CRPPA: variants seen among roughly 807,000 people sequenced by gnomAD.
The protein encoded by CRPPA is CDP-L-ribitol pyrophosphorylase A, also known as D-ribitol-5-phosphate cytidylyltransferase.
CRPPA carries 43 observed loss-of-function variants against 52.0 expected under a neutral mutation model. The observed-to-expected ratio is 0.83, with a 90% CI of 0.65 to 1.07. The LOEUF (loss-of-function observed/expected upper bound fraction) is 1.07, where lower values mean the gene tolerates loss of function less well. CRPPA is among the 50% of genes least tolerant of loss of function. The probability of loss-of-function intolerance (pLI) is 0.00; values close to 1 mark genes in which losing one functional copy is unlikely to be tolerated. For missense variants in CRPPA, 629 were observed against 551.7 expected (o/e 1.14, Z -1.40); for synonymous variants, 250 against 203.5 (o/e 1.23, Z -1.94).
chr7:16,309,885 C>G lies in CRPPA; in HGVS notation c.685-1258G>C, dbSNP rs543489798. Among the ~76,000 whole-genome samples, 12 of 152,166 alleles carry G rather than the reference C, an allele frequency of 7.9e-5. No individual in the cohort carries two copies. The East Asian group carries it at 1.4e-3, about 17-fold the overall frequency. ...GTGATCTCCTATTGGGTGCCCATAA[C>G]TAATATTATTTGAAGGAGATTCTCA... On this transcript the variant is annotated intron_variant, in intron 3 of 9. Transcript: ENST00000407010.
At position 16,286,045 on chromosome 7, in the gene CRPPA, AT is replaced by A. The variant is rs1784430081; in HGVS notation, c.836-7820del. ...CAAAAAAAAAAAAAAAAAAATATAA[AT>A]ATATATATATATATATATATATATA... On this transcript the variant is annotated intron_variant, in intron 5 of 9. Coordinates refer to ENST00000407010, the MANE Select transcript of CRPPA (RefSeq NM_001101426.4). Among the ~76,000 whole-genome samples the A allele has an allele frequency of 7.8e-4, 6 of 7,644 alleles. 1 individual carries two copies. Among genetic ancestry groups the A allele is most frequent in the African/African-American group, 3.4e-3 (6 of 1,760 alleles). 5.0% of individuals were successfully genotyped at this position (7,644 alleles called of 152,430 possible). A position where few individuals can be genotyped will look rare whatever the true frequency, so the allele number is the denominator to read the frequency against.
intron 5 of CRPPA, among the ~76,000 whole-genome samples, chr7:16,285,702 G>T (rs1261458845): frequency 6.6e-6 from 1 of 151,742 alleles, no homozygotes; most frequent in East Asian, 1.9e-4. Context: ...ACCTCTAAAT[G>T]GTAAAGGTAT....
chr7:16,408,270 G>C (rs185489163), intron 1 of CRPPA, among the ~76,000 whole-genome samples: 1 of 152,186 alleles, frequency 6.6e-6, no homozygotes, highest in African/African-American at 2.4e-5. Flanking sequence ...AGGCTGAGTA[G>C]CTAAACAGTC....
intron 9 of CRPPA, among the ~76,000 whole-genome samples, chr7:16,191,049 G>T (rs1781598934): frequency 1.3e-5 from 2 of 152,056 alleles, no homozygotes; most frequent in African/African-American, 4.8e-5. Flanking sequence ...ATTTGTGCTG[G>T]TTCCATAATT....
chr7:16,319,411 A>T (rs746109683), intron 3 of CRPPA, among the ~76,000 whole-genome samples: 2 of 152,068 alleles, frequency 1.3e-5, no homozygotes, highest in Non-Finnish European at 2.9e-5. Context: ...CCGTCTTGGA[A>T]AGAGTCTTCA....
At chr7:16,101,854 C>G (rs1485283602) in intron 9 of CRPPA, among the ~76,000 whole-genome samples, 1 of 152,156 alleles carries the variant, frequency 6.6e-6, no homozygotes, top group Non-Finnish European at 1.5e-5. Context: ...ATAGGAAGAA[C>G]CAATAACATG....
At chr7:16,276,201 C>T (rs1490746026) in intron 6 of CRPPA, among the ~76,000 whole-genome samples, 1 of 151,974 alleles carries the variant, frequency 6.6e-6, no homozygotes, top group African/African-American at 2.4e-5. Context: ...GGCCAAAGAA[C>T]ATGTAAGCTT....
chr7:16,191,112 T>C (rs573028248), intron 9 of CRPPA, among the ~76,000 whole-genome samples: 4 of 152,264 alleles, frequency 2.6e-5, no homozygotes, highest in African/African-American at 9.6e-5. Context: ...CGTGCAAGTA[T>C]CTTTTTTGTA....
At chr7:16,256,316 G>A (rs776428383) in intron 8 of CRPPA, among the ~76,000 whole-genome samples, 11 of 151,888 alleles carry the variant, frequency 7.2e-5, no homozygotes, top group Non-Finnish European at 7.4e-5. Context: ...AAATATGAAC[G>A]CTTTTACACT....
chr7:16,097,523 G>A (rs1351125637), intron 9 of CRPPA, among the ~76,000 whole-genome samples: 2 of 152,106 alleles, frequency 1.3e-5, no homozygotes, highest in East Asian at 3.8e-4. Flanking sequence ...CAAAAGAAGA[G>A]CTCTAATTAC....
intron 9 of CRPPA, among the ~76,000 whole-genome samples, chr7:16,131,203 T>C (rs776341495): frequency 1.2e-4 from 18 of 152,162 alleles, no homozygotes; most frequent in Non-Finnish European, 2.5e-4. Context: ...TGAAACTGGA[T>C]AATGGGTAGA....
chr7:16,227,925 G>T (rs377686192), intron 8 of CRPPA, among the ~76,000 whole-genome samples: 3 of 151,974 alleles, frequency 2.0e-5, no homozygotes, highest in Admixed American at 6.6e-5. Context: ...TGTATATGGT[G>T]TGAGATAAGG....
At chr7:16,367,523 A>C (rs553435198) in intron 3 of CRPPA, among the ~76,000 whole-genome samples, 1 of 152,128 alleles carries the variant, frequency 6.6e-6, no homozygotes, top group East Asian at 1.9e-4. Flanking sequence ...ACGAGATACA[A>C]GTCTTATTTA....
rs1432175175 is a variant in CRPPA, at chr7:16,089,411, A to G, written c.*2284T>C. The stretch of plus-strand genomic sequence containing the variant: ...ATATGTATGTACATAATGTGTATAT[A>G]TGTACGTACATACATATATGTGTAT... On this transcript the variant is annotated 3_prime_UTR_variant, in exon 10 of 10. Transcript: ENST00000407010. The G allele has an allele frequency of 2.5e-5, 9 of 353,072 alleles. No individual in the cohort carries two copies. The highest frequency in any genetic ancestry group is 1.5e-4 in the South Asian group (8 of 52,656). The allele number at this position is 353,072 out of a possible 1,614,324, so 21.9% of individuals were successfully genotyped here. A position where few individuals can be genotyped will look rare whatever the true frequency, so the allele number is the denominator to read the frequency against.
At chr7:16,274,650 A>C (rs1382312191) in intron 6 of CRPPA, among the ~76,000 whole-genome samples, 1 of 152,218 alleles carries the variant, frequency 6.6e-6, no homozygotes, top group African/African-American at 2.4e-5. Flanking sequence ...GAATATATGA[A>C]TACTTCTTAG....
intron 9 of CRPPA, among the ~76,000 whole-genome samples, chr7:16,152,360 G>GA (rs564412081): frequency 2.6e-5 from 4 of 151,730 alleles, no homozygotes; most frequent in Admixed American, 6.6e-5. Flanking sequence ...TATTTTAATA[G>GA]AAAAAAACAG....
At chr7:16,288,120 AT>A (rs750873208) in intron 5 of CRPPA, among the ~76,000 whole-genome samples, 29 of 152,202 alleles carry the variant, frequency 1.9e-4, no homozygotes, top group Non-Finnish European at 3.8e-4. Flanking sequence ...GAAAAAATAA[AT>A]TTTGGTTGTT....
At chr7:16,181,855 A>T (rs1781418433) in intron 9 of CRPPA, among the ~76,000 whole-genome samples, 1 of 152,052 alleles carries the variant, frequency 6.6e-6, no homozygotes. Context: ...TTCTTCAACA[A>T]TTATAAATTG....
chr7:16,311,039 A>C (rs1268784620), intron 3 of CRPPA, among the ~76,000 whole-genome samples: 1 of 152,158 alleles, frequency 6.6e-6, no homozygotes, highest in Non-Finnish European at 1.5e-5. Context: ...GACTTTAAAT[A>C]TTAGGTTCAT....
Sources: gnomAD v4.1 joint callset for allele counts (sites outside exome capture counted in the v4.1 genomes callset) on GRCh38, gnomAD v4.1.1 for gene constraint, MANE v1.5 for transcripts, NCBI Gene and HGNC (gene_info 2026-07-23, HGNC 2026-07-21) for gene names.